Variants in SLITRK4 observed in about 807,000 individuals in gnomAD.
SLITRK4 encodes the protein SLIT and NTRK like family member 4.
A neutral mutation model predicts 34.7 loss-of-function variants in SLITRK4; 7 were observed. The ratio of observed to expected loss-of-function variants is 0.20; its 90% CI spans 0.11 to 0.38. The LOEUF is 0.38. SLITRK4 is among the 10% of genes least tolerant of loss of function. SLITRK4 has a pLI of 1.00. For missense variants in SLITRK4, 474 were observed against 607.0 expected (o/e 0.78, Z 2.30); for synonymous variants, 237 against 246.2 (o/e 0.96, Z 0.35).
chrX:143,630,905 A>C lies in SLITRK4; in HGVS notation c.204T>G (p.Asn68Lys). The change falls in exon 2 of 2, where the codon AAT becomes AAG. Residue 68 changes from asparagine to lysine, a missense_variant. Physicochemically the swap from Asn to Lys is moderately conservative, Grantham distance 94. Transcript: ENST00000356928. ...WSNFYHLNFQ[N>K]NFLNILYPNT... The stretch of plus-strand genomic sequence containing the variant: ...TTGGATACAGAATATTTAAAAAATT[A>C]TTTTGGAAATTGAGGTGATAAAAAT... 1 of 1,203,463 alleles carries C rather than the reference A, an allele frequency of 8.3e-7. No individual in the cohort carries two copies. The highest frequency in any genetic ancestry group is 1.1e-6 in the Non-Finnish European group (1 of 892,984).
At position 143,628,020 on chromosome X, in the gene SLITRK4, C is replaced by T. The variant is rs1224900915; in HGVS notation, c.*575G>A. 7.4e-6 allele frequency: 2 copies of T among 269,729 alleles called. No individual in the cohort carries two copies. The highest frequency in any genetic ancestry group is 1.3e-5 in the Non-Finnish European group (2 of 158,684). 22.2% of individuals were successfully genotyped at this position (269,729 alleles called of 1,213,427 possible). A position where few individuals can be genotyped will look rare whatever the true frequency, so the allele number is the denominator to read the frequency against. On this transcript the variant is annotated 3_prime_UTR_variant, in exon 2 of 2. Transcript: ENST00000356928. The stretch of plus-strand genomic sequence containing the variant: ...TTTGCACAAATTAACATTATAAATC[C>T]AGCGGTTTCAAGATGCAGGCCATAA...
chrX:143,632,869 A>T (rs1931085411), intron 1 of SLITRK4, among the ~76,000 whole-genome samples: 3 of 111,342 alleles, frequency 2.7e-5, no homozygotes, highest in Non-Finnish European at 3.8e-5. Flanking sequence ...TTCACTTGAT[A>T]TTTTTTGCCT....
chrX:143,628,054 A>G lies in SLITRK4; in HGVS notation c.*541T>C, dbSNP rs1556425821. 1 of 270,413 alleles carries G rather than the reference A, an allele frequency of 3.7e-6. No homozygotes were observed. Among genetic ancestry groups the G allele is most frequent in the African/African-American group, 3.2e-5 (1 of 30,781 alleles). The allele number at this position is 270,413 out of a possible 1,213,427, so 22.3% of individuals were successfully genotyped here. A position where few individuals can be genotyped will look rare whatever the true frequency, so the allele number is the denominator to read the frequency against. ...CAAGATGCAGGCCATAAAGGTTACCAATTTACAAATACTATCGAGTGTTCT... is the reference window on the plus strand; with the variant it reads ...CAAGATGCAGGCCATAAAGGTTACCGATTTACAAATACTATCGAGTGTTCT... On this transcript the variant is annotated 3_prime_UTR_variant, in exon 2 of 2. Transcript: ENST00000356928.
In SLITRK4 at chrX:143,627,910, A is replaced by C. The variant is rs1930848379; in HGVS notation, c.*685T>G. On this transcript the variant is annotated 3_prime_UTR_variant, in exon 2 of 2. Coordinates refer to ENST00000356928, the MANE Select transcript of SLITRK4 (RefSeq NM_001184749.3). ...CTAACTCACGTTGATTTTTTCTTTT[A>C]GATTTTTATGTATAGACAGGTAATG... 1 of 176,457 alleles carries C rather than the reference A, an allele frequency of 5.7e-6. No individual in the cohort carries two copies. Among genetic ancestry groups the C allele is most frequent in the Non-Finnish European group, 1.0e-5 (1 of 96,034 alleles). 14.5% of individuals were successfully genotyped at this position (176,457 alleles called of 1,213,427 possible).
rs782048938 is a variant in SLITRK4, at chrX:143,629,326, C to T, written c.1783G>A (p.Ala595Thr). ...NKPSAPFTSP[A>T]PAITFTTPLG... ...GGAGTGGTGAATGTAATGGCAGGTG[C>T]AGGGCTTGTGAATGGTGCAGACGGC... The change falls in exon 2 of 2, where the codon GCA becomes ACA. Residue 595 changes from alanine to threonine, a missense_variant. Physicochemically the swap from Ala to Thr is moderately conservative, Grantham distance 58. Coordinates refer to ENST00000356928, the MANE Select transcript of SLITRK4 (RefSeq NM_001184749.3). 1.7e-6 allele frequency: 2 copies of T among 1,211,582 alleles called. No individual in the cohort carries two copies. The highest frequency in any genetic ancestry group is 4.3e-5 in the Admixed American group (2 of 46,042).
chrX:143,630,138 C>A lies in SLITRK4; in HGVS notation c.971G>T (p.Arg324Leu). The change falls in exon 2 of 2, where the codon CGC (arginine) becomes CTC (leucine). Residue 324 changes from arginine to leucine, a missense_variant. Physicochemically the swap from Arg to Leu is moderately radical, Grantham distance 102 (BLOSUM62 -2). Coordinates refer to ENST00000356928, the MANE Select transcript of SLITRK4 (RefSeq NM_001184749.3). ...GTAAGACACAATCTGACTGAGATTGCGGTTGGAGAGGGCTTTGCCTGCAAC... is the reference window on the plus strand; with the variant it reads ...GTAAGACACAATCTGACTGAGATTGAGGTTGGAGAGGGCTTTGCCTGCAAC... The part of the protein sequence containing the change: ...GIVAGKALSN[R>L]NLSQIVSYQT... 1 of 1,211,490 alleles carries A rather than the reference C, an allele frequency of 8.3e-7. No homozygotes were observed. The highest frequency in any genetic ancestry group is 1.1e-6 in the Non-Finnish European group (1 of 895,400).
rs781918299 is a variant in SLITRK4, at chrX:143,629,827, G to A, written c.1282C>T (p.Arg428Cys). 3.3e-6 allele frequency: 4 copies of A among 1,209,972 alleles called. No homozygotes were observed. The highest frequency in any genetic ancestry group is 4.5e-6 in the Non-Finnish European group (4 of 894,190). Residue 428 changes from arginine to cysteine, a missense_variant, in exon 2 of 2, where the codon CGC becomes TGC. This residue lies in a region of SLITRK4 where 345 missense variants were observed against 406.5 expected (regional missense o/e 0.85). Coordinates refer to ENST00000356928, the MANE Select transcript of SLITRK4 (RefSeq NM_001184749.3). ...GDVFHNLTNL[R>C]RLYLNGNQIE... ...TGATTGCCATTGAGATATAGCCTGC[G>A]TAAATTAGTGAGATTGTGAAATACG...
rs1930920418 is a variant in SLITRK4 at position 143,629,070 on chromosome X, C to G, written c.2039G>C (p.Gly680Ala). The G allele has an allele frequency of 1.7e-6, 2 of 1,210,332 alleles. No individual in the cohort carries two copies. Among genetic ancestry groups the G allele is most frequent in the Middle Eastern group, 2.3e-4 (1 of 4,376 alleles). ...TGGAATGAAAGCTTCTGTGCTCAGT[C>G]CATCTTTTTTATTGGTTTTGTGGTC... ...KHDHKTNKKD[G>A]LSTEAFIPQT... Residue 680 changes from glycine to alanine, a missense_variant, in exon 2 of 2, where the codon GGA (glycine) becomes GCA (alanine). Gly to Ala is a moderately conservative substitution (Grantham distance 60). This residue lies in a region of SLITRK4 where 345 missense variants were observed against 406.5 expected (regional missense o/e 0.85). Coordinates refer to ENST00000356928, the MANE Select transcript of SLITRK4 (RefSeq NM_001184749.3).
Position 143,627,008 on chromosome X carries a change from G to A in SLITRK4, c.*1587C>T, listed in dbSNP as rs1459841236. On this transcript the variant is annotated 3_prime_UTR_variant, in exon 2 of 2. Coordinates refer to ENST00000356928, the MANE Select transcript of SLITRK4 (RefSeq NM_001184749.3). ...AATCGGGAGCTCCTACAAAAGTTCC[G>A]ACATCACCCATTATCAGTTACTTTA... 9.3e-6 allele frequency: 1 copy of A among 107,865 alleles called. No individual in the cohort carries two copies. The highest frequency in any genetic ancestry group is 1.9e-5 in the Non-Finnish European group (1 of 52,173). The allele number at this position is 107,865 out of a possible 1,213,427, so 8.9% of individuals were successfully genotyped here.
At position 143,628,192 on chromosome X, in the gene SLITRK4, C is replaced by A. The variant is rs1359152025; in HGVS notation, c.*403G>T. 1 of 175,456 alleles carries A rather than the reference C, an allele frequency of 5.7e-6. No homozygotes were observed. The highest frequency in any genetic ancestry group is 1.0e-5 in the Non-Finnish European group (1 of 100,353). The allele number at this position is 175,456 out of a possible 1,213,427, so 14.5% of individuals were successfully genotyped here. On this transcript the variant is annotated 3_prime_UTR_variant, in exon 2 of 2. Transcript: ENST00000356928. ...ACAAATCAAAAGGATTATTCCAGTT[C>A]CACCAACTTAATCTACGTGCAAGAT...
rs907409034 is a variant in SLITRK4, at chrX:143,628,179, G to C, written c.*416C>G. ...TTGTTACAATGCCACAAATCAAAAG[G>C]ATTATTCCAGTTCCACCAACTTAAT... On this transcript the variant is annotated 3_prime_UTR_variant, in exon 2 of 2. Transcript: ENST00000356928. 4.0e-4 allele frequency: 43 copies of C among 106,538 alleles called. No homozygotes were observed. Among genetic ancestry groups the C allele is most frequent in the Non-Finnish European group, 6.9e-4 (41 of 59,028 alleles). 8.8% of individuals were successfully genotyped at this position (106,538 alleles called of 1,213,427 possible). A position where few individuals can be genotyped will look rare whatever the true frequency, so the allele number is the denominator to read the frequency against.
Position 143,631,169 on chromosome X carries a change from A to G in SLITRK4, c.-50-11T>C, listed in dbSNP as rs1347731548. On this transcript the variant is annotated splice_polypyrimidine_tract_variant and intron_variant, in intron 1 of 1. Coordinates refer to ENST00000356928, the MANE Select transcript of SLITRK4 (RefSeq NM_001184749.3). ...ATAAAGAGAAATAATCTAAAAAATA[A>G]AAAGAAAACATTTTTTCAATGGTCA... is the stretch of plus-strand genomic sequence containing the variant. The G allele has an allele frequency of 1.1e-6, 1 of 950,632 alleles. No individual in the cohort carries two copies. Among genetic ancestry groups the G allele is most frequent in the Non-Finnish European group, 1.4e-6 (1 of 713,202 alleles). 78.3% of individuals were successfully genotyped at this position (950,632 alleles called of 1,213,427 possible).
chrX:143,629,619 G>C lies in SLITRK4; in HGVS notation c.1490C>G (p.Pro497Arg). The C allele has an allele frequency of 1.7e-6, 2 of 1,211,407 alleles. No individual in the cohort carries two copies. Among genetic ancestry groups the C allele is most frequent in the Non-Finnish European group, 1.1e-6 (1 of 895,494 alleles). ...SLPVYIFSGA[P>R]LARLNLRNNK... ...GTTCCTCAGGTTCAGTCTAGCTAAG[G>C]GTGCTCCGGAAAAGATGTAAACAGG... Residue 497 changes from proline to arginine, a missense_variant, in exon 2 of 2, where the codon CCC (proline) becomes CGC (arginine). This residue lies in a region of SLITRK4 where 345 missense variants were observed against 406.5 expected (regional missense o/e 0.85). Transcript: ENST00000356928.
chrX:143,629,566 C>T lies in SLITRK4; in HGVS notation c.1543G>A (p.Gly515Arg). 1 of 1,211,271 alleles carries T rather than the reference C, an allele frequency of 8.3e-7. No homozygotes were observed. The highest frequency in any genetic ancestry group is 1.7e-5 in the African/African-American group (1 of 57,596). ...NNKFMYLPVS[G>R]VLDQLQSLTQ... ...AGAGATTGCAACTGATCAAGGACCC[C>T]GCTGACAGGCAGGTACATGAATTTG... is the stretch of plus-strand genomic sequence containing the variant. Residue 515 changes from glycine (G) to arginine (R), a missense_variant, in exon 2 of 2, where the codon GGG becomes AGG. This residue lies in a region of SLITRK4 where 345 missense variants were observed against 406.5 expected (regional missense o/e 0.85). Transcript: ENST00000356928.
At position 143,628,299 on chromosome X, in the gene SLITRK4, G is replaced by A; in HGVS notation, c.*296C>T. ...AAAGAGACGAAGGTTTTGCATTGGG[G>A]TACAAAACAGATTTGCCTCTTGAGG... On this transcript the variant is annotated 3_prime_UTR_variant, in exon 2 of 2. Transcript: ENST00000356928. 1 of 310,830 alleles carries A rather than the reference G, an allele frequency of 3.2e-6. No individual in the cohort carries two copies. The allele number at this position is 310,830 out of a possible 1,213,427, so 25.6% of individuals were successfully genotyped here.
At position 143,630,998 on chromosome X, in the gene SLITRK4, A is replaced by T; in HGVS notation, c.111T>A (p.Asn37Lys). The T allele has an allele frequency of 8.3e-7, 1 of 1,210,666 alleles. No homozygotes were observed. Among genetic ancestry groups the T allele is most frequent in the Non-Finnish European group, 1.1e-6 (1 of 895,069 alleles). The change falls in exon 2 of 2, where the codon AAT (asparagine) becomes AAA (lysine). Residue 37 changes from asparagine (N) to lysine (K), a missense_variant. Physicochemically the swap from Asn to Lys is moderately conservative, Grantham distance 94. This residue lies in a region of SLITRK4 where 84 missense variants were observed against 101.3 expected (regional missense o/e 0.83). Coordinates refer to ENST00000356928, the MANE Select transcript of SLITRK4 (RefSeq NM_001184749.3). ...CNVCSCVSVE[N>K]VLYVNCEKVS... ...CCTTCTCACAGTTGACATAGAGCAC[A>T]TTCTCAACTGACACGCAGGAACACA...
chrX:143,625,419 T>A lies in SLITRK4; in HGVS notation c.*3176A>T, dbSNP rs1930754725. On this transcript the variant is annotated 3_prime_UTR_variant, in exon 2 of 2. Coordinates refer to ENST00000356928, the MANE Select transcript of SLITRK4 (RefSeq NM_001184749.3). ...AAAATAATTTAAAACTTGATTTATA[T>A]TACATGGACACAATATATTATCTCA... 9.0e-6 allele frequency: 1 copy of A among 111,577 alleles called. No individual in the cohort carries two copies. Among genetic ancestry groups the A allele is most frequent in the African/African-American group, 3.2e-5 (1 of 30,829 alleles). 9.2% of individuals were successfully genotyped at this position (111,577 alleles called of 1,213,427 possible).
In SLITRK4 at chrX:143,633,535, T is replaced by C. The variant is rs782049762; in HGVS notation, c.-51+2200A>G. Among the ~76,000 whole-genome samples, 21 of 110,547 alleles carry C rather than the reference T, an allele frequency of 1.9e-4. 1 individual carries two copies. In the South Asian group the frequency reaches 8.4e-3, roughly 44 times the overall value. On this transcript the variant is annotated intron_variant, in intron 1 of 1. Coordinates refer to ENST00000356928, the MANE Select transcript of SLITRK4 (RefSeq NM_001184749.3). Reference sequence around the variant, plus strand: ...CTCGGTGCCCTGAAAGACCCTTGGCTCTCACGACCAGCCAGGACTGAACAA... The same window carrying C: ...CTCGGTGCCCTGAAAGACCCTTGGCCCTCACGACCAGCCAGGACTGAACAA...
rs377528590 is a variant in SLITRK4 at position 143,629,782 on chromosome X, C to G, written c.1327G>C (p.Glu443Gln). Residue 443 changes from glutamate to glutamine, a missense_variant, in exon 2 of 2, where the codon GAA becomes CAA. Around this residue, in one of 3 missense-constraint regions of SLITRK4, gnomAD observed 345 missense variants for 406.5 expected, o/e 0.85. Coordinates refer to ENST00000356928, the MANE Select transcript of SLITRK4 (RefSeq NM_001184749.3). ...AGGTTATGAAGACCTGAAAATATTTCAGGATAGAGTCTCTCAATTTGATTG... is the reference window on the plus strand; with the variant it reads ...AGGTTATGAAGACCTGAAAATATTTGAGGATAGAGTCTCTCAATTTGATTG... ...NGNQIERLYP[E>Q]IFSGLHNLQY... is the part of the protein sequence containing the mutation. The G allele has an allele frequency of 1.7e-6, 2 of 1,208,321 alleles. No individual in the cohort carries two copies. Among genetic ancestry groups the G allele is most frequent in the African/African-American group, 3.5e-5 (2 of 57,075 alleles).
Sources: gnomAD v4.1 joint callset for allele counts (sites outside exome capture counted in the v4.1 genomes callset) on GRCh38, gnomAD v4.1.1 for gene constraint, gnomAD v4.1.1 regional missense constraint, MANE v1.5 for transcripts, NCBI Gene and HGNC (gene_info 2026-07-23, HGNC 2026-07-21) for gene names.